PTAFR: variants seen among roughly 807,000 people sequenced by gnomAD.
PTAFR encodes platelet activating factor receptor.
In PTAFR, 8 loss-of-function variants were observed where a neutral mutation model predicts 14.7. The observed-to-expected ratio is 0.54, with a 90% CI of 0.32 to 0.98. The LOEUF (loss-of-function observed/expected upper bound fraction) is 0.98. Ranked by LOEUF, PTAFR falls within the 50% of genes least tolerant of loss-of-function variation. PTAFR has a pLI of 0.04. For missense variants in PTAFR, 337 were observed against 451.2 expected (o/e 0.75, Z 2.29); for synonymous variants, 156 against 176.5 (o/e 0.88, Z 0.92).
At chr1:28,190,592 A>G (rs1279980343) in intron 1 of PTAFR, among the ~76,000 whole-genome samples, 1 of 152,220 alleles carries the variant, frequency 6.6e-6, no homozygotes, top group Non-Finnish European at 1.5e-5. Flanking sequence ...CAGGCTTGCC[A>G]TTAAGTCGTA....
At chr1:28,172,307 CA>C (rs1054644494) in intron 1 of PTAFR, among the ~76,000 whole-genome samples, 33 of 152,178 alleles carry the variant, frequency 2.2e-4, no homozygotes, top group Admixed American at 1.5e-3. Context: ...TGAGCCACCG[CA>C]CACAGCCATG....
chr1:28,155,840 C>T (rs1646257865), intron 1 of PTAFR, among the ~76,000 whole-genome samples: 1 of 152,138 alleles, frequency 6.6e-6, no homozygotes. Context: ...TGCACTCCAG[C>T]CTGGGCAACA....
At chr1:28,179,262 A>G (rs538944598), upstream of PTAFR, among the ~76,000 whole-genome samples, 234 of 152,282 alleles carry the variant, frequency 1.5e-3, 1 homozygote, top group African/African-American at 5.5e-3. Flanking sequence ...TCCGGGATCA[A>G]CCAGCCTCCA....
intron 1 of PTAFR, among the ~76,000 whole-genome samples, chr1:28,153,275 C>G (rs1484363683): frequency 3.3e-5 from 5 of 152,178 alleles, no homozygotes; most frequent in Non-Finnish European, 7.3e-5. Context: ...AACAGTTGCT[C>G]CCTTCCCTCT....
Position 28,150,314 on chromosome 1 carries a change from C to T in PTAFR, c.708G>A (p.Thr236=), listed in dbSNP as rs781223496. Residue 236 remains threonine (T), a synonymous_variant, in exon 2 of 2, where the codon ACG becomes ACA. Transcript: ENST00000373857. The surrounding 1 kb of genome is among the most constrained non-coding windows in gnomAD (Gnocchi z 6.3). ...VKRRALWMVC[T]VLAVFIICFV... ...AGCAGATGATGAACACCGCCAAGAC[C>T]GTGCACACCATCCACAGCGCCCGGC... 4.7e-5 allele frequency: 76 copies of T among 1,613,440 alleles called. No homozygotes were observed. The highest frequency in any genetic ancestry group is 2.3e-4 in the South Asian group (21 of 91,002).
At chr1:28,154,466 G>C (rs565945770) in intron 1 of PTAFR, among the ~76,000 whole-genome samples, 1 of 152,224 alleles carries the variant, frequency 6.6e-6, no homozygotes, top group Admixed American at 6.5e-5. Context: ...ATCTCTCGGG[G>C]TAGACAGACA....
At chr1:28,174,179 C>T (rs1646486737) in intron 1 of PTAFR, among the ~76,000 whole-genome samples, 1 of 152,140 alleles carries the variant, frequency 6.6e-6, no homozygotes, top group Non-Finnish European at 1.5e-5. Flanking sequence ...AGGGTCCCAG[C>T]ACTTGCCCTT....
At chr1:28,180,532 C>T (rs1372444170), upstream of PTAFR, among the ~76,000 whole-genome samples, 6 of 152,178 alleles carry the variant, frequency 3.9e-5, no homozygotes, top group Non-Finnish European at 1.5e-5. Context: ...ACAAAGGAAC[C>T]ATTAATGTGG....
At chr1:28,167,449 C>A (rs1241390932) in intron 1 of PTAFR, among the ~76,000 whole-genome samples, 1 of 152,008 alleles carries the variant, frequency 6.6e-6, no homozygotes, top group African/African-American at 2.4e-5. Flanking sequence ...ATCAGTAAAA[C>A]AGAAATGTGT....
chr1:28,190,625 G>A (rs369459635), intron 1 of PTAFR, among the ~76,000 whole-genome samples: 2 of 152,284 alleles, frequency 1.3e-5, no homozygotes, highest in South Asian at 4.1e-4. Flanking sequence ...GGGTGGTATA[G>A]ACAATATCAA....
At chr1:28,174,726 G>T (rs145822666) in intron 1 of PTAFR, among the ~76,000 whole-genome samples, 1 of 152,278 alleles carries the variant, frequency 6.6e-6, no homozygotes, top group Non-Finnish European at 1.5e-5. Context: ...TGCAAACCCT[G>T]TGCTAAGGAT....
upstream of PTAFR, chr1:28,177,325 G>A (rs952486633): frequency 6.6e-6 from 1 of 152,422 alleles, no homozygotes; most frequent in African/African-American, 2.4e-5. Context: ...ACTGTGGTCA[G>A]GGGCATGACA....
chr1:28,155,027 G>C (rs571451815), intron 1 of PTAFR, among the ~76,000 whole-genome samples: 1 of 152,130 alleles, frequency 6.6e-6, no homozygotes, highest in East Asian at 1.9e-4. Flanking sequence ...GATGGCCCTT[G>C]CCCTGACCTC....
chr1:28,147,713 A>T lies in PTAFR; in HGVS notation c.*2280T>A, dbSNP rs747025952. 6.6e-6 allele frequency: 1 copy of T among 152,162 alleles called. No homozygotes were observed. The highest frequency in any genetic ancestry group is 1.5e-5 in the Non-Finnish European group (1 of 68,056). 9.4% of individuals were successfully genotyped at this position (152,162 alleles called of 1,614,324 possible). A position where few individuals can be genotyped will look rare whatever the true frequency, so the allele number is the denominator to read the frequency against. On this transcript the variant is annotated 3_prime_UTR_variant, in exon 2 of 2. Coordinates refer to ENST00000373857, the MANE Select transcript of PTAFR (RefSeq NM_000952.5). ...TCCTTTCAGCTCCCATCAGAGGATC[A>T]AGGGGCCCAAATTCGCAGAAAAGGG... is the stretch of plus-strand genomic sequence containing the variant.
At chr1:28,159,499 G>C (rs1367862637) in intron 1 of PTAFR, among the ~76,000 whole-genome samples, 1 of 152,112 alleles carries the variant, frequency 6.6e-6, no homozygotes, top group Non-Finnish European at 1.5e-5. Flanking sequence ...ATGGGTTGAG[G>C]GGTGAGTGAT....
At position 28,148,515 on chromosome 1, in the gene PTAFR, C is replaced by G. The variant is rs1646141460; in HGVS notation, c.*1478G>C. ...TGTTTGTTTTTGACACAGAGTCTCA[C>G]TCTGTCGCCCAGGCTGGAGAGCAGT... On this transcript the variant is annotated 3_prime_UTR_variant, in exon 2 of 2. Transcript: ENST00000373857. 6.5e-6 allele frequency: 1 copy of G among 153,472 alleles called. No homozygotes were observed. The highest frequency in any genetic ancestry group is 6.5e-5 in the Admixed American group (1 of 15,292). The allele number at this position is 153,472 out of a possible 1,614,324, so 9.5% of individuals were successfully genotyped here.
At chr1:28,168,300 C>T (rs1000324400) in intron 1 of PTAFR, among the ~76,000 whole-genome samples, 13 of 152,120 alleles carry the variant, frequency 8.5e-5, no homozygotes, top group Non-Finnish European at 1.3e-4. Context: ...GACATTTGCA[C>T]ATTCATATTC....
rs1646165249 is a variant in PTAFR, at chr1:28,150,263, C to A, written c.759G>T (p.Leu253=). 1 of 1,612,320 alleles carries A rather than the reference C, an allele frequency of 6.2e-7. No homozygotes were observed. Among genetic ancestry groups the A allele is most frequent in the Admixed American group, 1.7e-5 (1 of 59,984 alleles). ...ICFVPHHVVQ[L]PWTLAELGFQ... Reference sequence around the variant, plus strand: ...AGCCCAGCTCAGCAAGGGTCCAGGGCAGCTGCACCACGTGGTGGGGCACGA... The same window carrying A: ...AGCCCAGCTCAGCAAGGGTCCAGGGAAGCTGCACCACGTGGTGGGGCACGA... The change falls in exon 2 of 2, where the codon CTG becomes CTT. Residue 253 remains leucine (L), a synonymous_variant. Coordinates refer to ENST00000373857, the MANE Select transcript of PTAFR (RefSeq NM_000952.5). The surrounding 1 kb of genome is among the most constrained non-coding windows in gnomAD (Gnocchi z 6.3).
At chr1:28,188,095 T>C in intron 1 of PTAFR, among the ~76,000 whole-genome samples, 1 of 151,858 alleles carries the variant, frequency 6.6e-6, no homozygotes, top group Non-Finnish European at 1.5e-5. Context: ...GTGGATCAAT[T>C]GAGCCCAGCA....
Sources: allele counts gnomAD v4.1 joint callset (sites outside exome capture counted in the v4.1 genomes callset), GRCh38; gene constraint gnomAD v4.1.1; non-coding constraint Gnocchi (gnomAD v3.1); transcripts MANE v1.5; gene names NCBI Gene and HGNC (gene_info 2026-07-23, HGNC 2026-07-21).